Variants in MAP3K19 observed in about 807,000 individuals in gnomAD.
The protein encoded by MAP3K19 is SPS1/STE20-related protein kinase YSK4.
MAP3K19 carries 91 observed loss-of-function variants against 114.4 expected under a neutral mutation model. That is an observed-to-expected ratio of 0.80 (90% CI 0.67 to 0.95). The LOEUF (loss-of-function observed/expected upper bound fraction) is 0.95, where lower values mean the gene tolerates loss of function less well. Among genes scored for constraint, MAP3K19 ranks in the 40% least tolerant of loss-of-function variants. The probability of loss-of-function intolerance (pLI) is 0.00; values close to 1 mark genes in which losing one functional copy is unlikely to be tolerated. For missense variants in MAP3K19, 1,471 were observed against 1,573.2 expected (o/e 0.94, Z 1.10); for synonymous variants, 518 against 530.5 (o/e 0.98, Z 0.32).
intron 3 of MAP3K19, among the ~76,000 whole-genome samples, chr2:135,026,166 C>T (rs1304932267): frequency 6.6e-6 from 1 of 152,164 alleles, no homozygotes; most frequent in African/African-American, 2.4e-5. Context: ...ATCATATTTG[C>T]AGAGAATTCC....
At chr2:135,002,561 G>A (rs1686518719) in intron 6 of MAP3K19, among the ~76,000 whole-genome samples, 1 of 151,746 alleles carries the variant, frequency 6.6e-6, no homozygotes, top group Admixed American at 6.6e-5. Flanking sequence ...ATATTTTGAT[G>A]CCATCTTCAC....
At chr2:135,043,658 C>T (rs4954217) in intron 1 of MAP3K19, among the ~76,000 whole-genome samples, 40,302 of 152,034 alleles carry the variant, frequency 0.27, 7,203 homozygotes, top group African/African-American at 0.48. Context: ...TGGTGTTGTA[C>T]ATTCTATGGG....
In MAP3K19 at chr2:134,974,969, C is replaced by T. The variant is rs184458298; in HGVS notation, c.3920+5852G>A. ...GTATAATTTCTTCAGCTGTAAACAG[C>T]GCCAGTGGTGTCTGTGATTTCCTCA... is the stretch of plus-strand genomic sequence containing the variant. On this transcript the variant is annotated intron_variant, in intron 12 of 12. Transcript: ENST00000392915. Among the ~76,000 whole-genome samples, 175 of 152,250 alleles carry T rather than the reference C, an allele frequency of 1.1e-3. 1 individual carries two copies. The highest frequency in any genetic ancestry group is 4.1e-3 in the African/African-American group (170 of 41,548).
chr2:134,985,570 T>C (rs1685033396), intron 10 of MAP3K19, among the ~76,000 whole-genome samples: 2 of 152,354 alleles, frequency 1.3e-5, no homozygotes, highest in East Asian at 3.9e-4. Context: ...ACTGATTTCA[T>C]TGCAATGTCA....
At chr2:134,968,412 C>T (rs1174075117) in intron 12 of MAP3K19, among the ~76,000 whole-genome samples, 1 of 149,334 alleles carries the variant, frequency 6.7e-6, no homozygotes. Flanking sequence ...GGCAGAGGGG[C>T]TCCTCACATC....
intron 8 of MAP3K19, among the ~76,000 whole-genome samples, chr2:134,993,122 C>T (rs2322252): frequency 0.28 from 42,794 of 151,898 alleles, 6,671 homozygotes; most frequent in Middle Eastern, 0.61. Context: ...ACAATCCTCC[C>T]TTCTTGGCTT....
intron 3 of MAP3K19, among the ~76,000 whole-genome samples, chr2:135,028,312 T>C (rs1688302233): frequency 6.6e-6 from 1 of 152,118 alleles, no homozygotes. Context: ...TCCCAGCACT[T>C]TAGAAGGCTG....
At chr2:135,032,631 T>A (rs13420296) in intron 2 of MAP3K19, among the ~76,000 whole-genome samples, 4,494 of 150,654 alleles carry the variant, frequency 0.03, 212 homozygotes, top group African/African-American at 0.1. Context: ...TTATTTTTTT[T>A]AATTGATCAT....
intron 6 of MAP3K19, among the ~76,000 whole-genome samples, chr2:135,000,308 A>G (rs991490449): frequency 6.6e-6 from 1 of 152,248 alleles, no homozygotes; most frequent in African/African-American, 2.4e-5. Context: ...ACCACCTTCT[A>G]TAAAGTGTAA....
intron 3 of MAP3K19, among the ~76,000 whole-genome samples, chr2:135,029,659 T>C (rs1478621879): frequency 6.6e-6 from 1 of 152,198 alleles, no homozygotes; most frequent in African/African-American, 2.4e-5. Context: ...TAGCAGCAAT[T>C]GATTTTCTTT....
At chr2:135,023,208 C>A (rs1014710042) in intron 4 of MAP3K19, 8 of 326,422 alleles carry the variant, frequency 2.5e-5, no homozygotes, top group Non-Finnish European at 4.2e-5. Context: ...CACATCCTTA[C>A]CACATCTGCT....
intron 5 of MAP3K19, among the ~76,000 whole-genome samples, chr2:135,019,178 T>C (rs949073157): frequency 6.6e-6 from 1 of 152,176 alleles, no homozygotes; most frequent in Admixed American, 6.5e-5. Context: ...TAAAATTGTG[T>C]CCTGGGCTTC....
chr2:134,981,218 C>A lies in MAP3K19; in HGVS notation c.3523G>T (p.Ala1175Ser). ...KYTKQILQGV[A>S]YLHENCVVHR... Reference sequence around the variant, plus strand: ...ACCACACAGTTCTCATGGAGATAAGCAACACCTTGAAGTATTTGTTTCGTA... The same window carrying A: ...ACCACACAGTTCTCATGGAGATAAGAAACACCTTGAAGTATTTGTTTCGTA... Residue 1175 changes from alanine to serine, a missense_variant, in exon 12 of 13, where the codon GCT becomes TCT. Transcript: ENST00000392915. 5 of 1,614,146 alleles carry A rather than the reference C, an allele frequency of 3.1e-6. No individual in the cohort carries two copies. Among genetic ancestry groups the A allele is most frequent in the Non-Finnish European group, 4.2e-6 (5 of 1,180,030 alleles).
rs762272843 is a variant in MAP3K19, at chr2:134,973,650, TTTG to T, written c.3920+7168_3920+7170del. On this transcript the variant is annotated intron_variant, in intron 12 of 12. Coordinates refer to ENST00000392915, the MANE Select transcript of MAP3K19 (RefSeq NM_025052.5). The stretch of plus-strand genomic sequence containing the variant: ...TGTTGATTGTTTTCTGGTTGGTTTG[TTTG>T]TTTGTTTGTTTGTTTCTTTCTTTCT... Among the ~76,000 whole-genome samples, 209 of 152,252 alleles carry T rather than the reference TTTG, an allele frequency of 1.4e-3. 1 individual carries two copies. Among genetic ancestry groups the T allele is most frequent in the Middle Eastern group, 3.4e-3 (1 of 294 alleles).
chr2:134,971,476 T>C (rs1329636355), intron 12 of MAP3K19, among the ~76,000 whole-genome samples: 1 of 152,210 alleles, frequency 6.6e-6, no homozygotes, highest in Non-Finnish European at 1.5e-5. Context: ...CTCAATTTTT[T>C]GGAATAGTTG....
Position 134,999,124 on chromosome 2 carries a change from A to G in MAP3K19, c.315-127T>C, listed in dbSNP as rs1559166816. The stretch of plus-strand genomic sequence containing the variant: ...ACTTCCAAATGGTGCTGCTGAAAGG[A>G]AAGGCTGAATCCTGAGAGGGTAAGA... On this transcript the variant is annotated intron_variant, in intron 7 of 12. Coordinates refer to ENST00000392915, the MANE Select transcript of MAP3K19 (RefSeq NM_025052.5). This position sits in a 1 kb window ranked among gnomAD's most constrained non-coding sequence, Gnocchi z 4.1. The G allele has an allele frequency of 9.0e-7, 1 of 1,113,754 alleles. No individual in the cohort carries two copies. Among genetic ancestry groups the G allele is most frequent in the Non-Finnish European group, 1.3e-6 (1 of 780,192 alleles). 69.0% of individuals were successfully genotyped at this position (1,113,754 alleles called of 1,614,324 possible). A position where few individuals can be genotyped will look rare whatever the true frequency, so the allele number is the denominator to read the frequency against.
chr2:134,997,565 A>G (rs1686088929), intron 8 of MAP3K19, among the ~76,000 whole-genome samples: 1 of 152,202 alleles, frequency 6.6e-6, no homozygotes, highest in Non-Finnish European at 1.5e-5. Flanking sequence ...TCACACCTGT[A>G]ATCCCAGCAC....
intron 10 of MAP3K19, 148 bp from the exon 11 acceptor site, chr2:134,983,973 T>G: frequency 1.8e-6 from 1 of 556,366 alleles, no homozygotes; most frequent in East Asian, 3.1e-5. Context: ...TTCCCCCAAA[T>G]GACCACATAG....
At chr2:135,019,430 C>T (rs1042293026) in intron 5 of MAP3K19, among the ~76,000 whole-genome samples, 3 of 152,148 alleles carry the variant, frequency 2.0e-5, no homozygotes, top group African/African-American at 7.2e-5. Context: ...TGGCTCATGC[C>T]TGTAATCCCA....
Sources: allele counts gnomAD v4.1 joint callset (sites outside exome capture counted in the v4.1 genomes callset), GRCh38; gene constraint gnomAD v4.1.1; non-coding constraint Gnocchi (gnomAD v3.1); transcripts MANE v1.5; gene names NCBI Gene and HGNC (gene_info 2026-07-23, HGNC 2026-07-21).